The following ADD2 variants were observed in gnomAD, a reference collection of about 807,000 sequenced individuals.
ADD2 encodes adducin 2.
Under a neutral mutation model 83.0 loss-of-function variants are expected in ADD2, and 23 were observed. The observed-to-expected ratio is 0.28, with a 90% CI of 0.20 to 0.39. The LOEUF is 0.39. Among genes scored for constraint, ADD2 ranks in the 10% least tolerant of loss-of-function variants. ADD2 has a pLI of 1.00. For missense variants in ADD2, 758 were observed against 944.9 expected (o/e 0.80, Z 2.59); for synonymous variants, 375 against 375.4 (o/e 1.00, Z 0.01).
chr2:70,699,207 C>A (rs1553373175), intron 4 of ADD2, among the ~76,000 whole-genome samples: 1 of 151,916 alleles, frequency 6.6e-6, no homozygotes, highest in East Asian at 1.9e-4. Context: ...ATAGATAAGC[C>A]ATGTGAATAT....
At chr2:70,667,030 A>G (rs909111695) in intron 15 of ADD2, among the ~76,000 whole-genome samples, 16 of 152,178 alleles carry the variant, frequency 1.1e-4, no homozygotes, top group African/African-American at 3.6e-4. Context: ...GAAAGTACTG[A>G]GGACAGGCTC....
intron 1 of ADD2, among the ~76,000 whole-genome samples, chr2:70,742,876 T>A (rs1300899871): frequency 4.6e-5 from 7 of 152,232 alleles, no homozygotes; most frequent in African/African-American, 1.7e-4. Context: ...TATGTTTTTT[T>A]AAGTTATGTG....
chr2:70,750,659 G>A (rs1674462581), intron 1 of ADD2, among the ~76,000 whole-genome samples: 1 of 152,200 alleles, frequency 6.6e-6, no homozygotes, highest in South Asian at 2.1e-4. Context: ...AGCCTTCAGA[G>A]GGAGCACGGC....
At chr2:70,681,332 C>A (rs1358830013) in intron 10 of ADD2, among the ~76,000 whole-genome samples, 2 of 152,182 alleles carry the variant, frequency 1.3e-5, no homozygotes, top group African/African-American at 2.4e-5. Context: ...TCACCCATAC[C>A]TTAGCCCCCT....
intron 2 of ADD2, among the ~76,000 whole-genome samples, chr2:70,712,456 T>TAAAA (rs1405459368): frequency 9.2e-5 from 6 of 65,270 alleles, no homozygotes; most frequent in African/African-American, 1.7e-4. Flanking sequence ...AAAAAATAAA[T>TAAAA]AAATAAAAAA....
At chr2:70,675,913 T>C (rs1443563047) in intron 13 of ADD2, 1 of 985,442 alleles carries the variant, frequency 1.0e-6, no homozygotes, top group Middle Eastern at 5.2e-4. Flanking sequence ...AGAACATGGC[T>C]ATTTCTATAC....
At chr2:70,765,576 C>T (rs906141033) in intron 1 of ADD2, among the ~76,000 whole-genome samples, 13 of 152,176 alleles carry the variant, frequency 8.5e-5, no homozygotes, top group African/African-American at 2.7e-4. Flanking sequence ...GTTCCCAGTA[C>T]GTCTTACAGA....
At chr2:70,675,041 T>C in intron 13 of ADD2, 7 of 1,321,638 alleles carry the variant, frequency 5.3e-6, no homozygotes, top group South Asian at 2.3e-5. Flanking sequence ...TGGATGAATA[T>C]AGGGGGTCCA....
intron 2 of ADD2, among the ~76,000 whole-genome samples, chr2:70,708,190 C>G (rs1553374863): frequency 6.6e-6 from 1 of 152,142 alleles, no homozygotes; most frequent in Non-Finnish European, 1.5e-5. Flanking sequence ...GCCCAGAATA[C>G]ACAGATGGTT....
intron 3 of ADD2, 136 bp from the exon 4 acceptor site, chr2:70,704,595 G>T (rs1574266187): frequency 2.1e-6 from 2 of 960,192 alleles, no homozygotes; most frequent in Non-Finnish European, 3.1e-6. Flanking sequence ...AGCTACAGGG[G>T]ACACTGAGCA....
At chr2:70,675,971 T>C (rs908391373) in intron 13 of ADD2, 1 of 985,212 alleles carries the variant, frequency 1.0e-6, no homozygotes, top group Non-Finnish European at 1.2e-6. Flanking sequence ...TGAGTTGGGG[T>C]TGGGGGGAGG....
At chr2:70,754,992 C>T (rs1674698943) in intron 1 of ADD2, among the ~76,000 whole-genome samples, 1 of 152,172 alleles carries the variant, frequency 6.6e-6, no homozygotes, top group Non-Finnish European at 1.5e-5. Flanking sequence ...AACTCCTCTG[C>T]CCTCTCACCC....
At chr2:70,744,876 G>A (rs1011929747) in intron 1 of ADD2, among the ~76,000 whole-genome samples, 2 of 152,064 alleles carry the variant, frequency 1.3e-5, no homozygotes, top group African/African-American at 2.4e-5. Context: ...GATAGGCTTC[G>A]GATGTTTAGG....
intron 1 of ADD2, among the ~76,000 whole-genome samples, chr2:70,759,686 C>A (rs1446392905): frequency 6.6e-6 from 1 of 152,148 alleles, no homozygotes; most frequent in Non-Finnish European, 1.5e-5. Context: ...ACGCCAGCTC[C>A]CCTTTGCTTT....
intron 1 of ADD2, among the ~76,000 whole-genome samples, chr2:70,757,288 TG>T (rs5832031): frequency 0.59 from 88,087 of 149,864 alleles, 27,660 homozygotes; most frequent in Non-Finnish European, 0.7. Context: ...AAGGGATTTG[TG>T]GGGGGGGGGG....
chr2:70,709,901 A>G (rs1553375192), intron 2 of ADD2, among the ~76,000 whole-genome samples: 1 of 152,196 alleles, frequency 6.6e-6, no homozygotes, highest in Non-Finnish European at 1.5e-5. Context: ...GACCTTGAGG[A>G]TAAGAAGGGA....
In ADD2 at chr2:70,671,372, T is replaced by G. The variant is rs149892294; in HGVS notation, c.1870+1506A>C. Among the ~76,000 whole-genome samples, 32 of 152,206 alleles carry G rather than the reference T, an allele frequency of 2.1e-4. No homozygotes were observed. The East Asian group carries it at 5.8e-3, about 28-fold the overall frequency. Reference sequence around the variant, plus strand: ...CCTATGTGTGTATATCCACATCTCATGTAGAGAAGCCTAATCCATGCATAG... The same window carrying G: ...CCTATGTGTGTATATCCACATCTCAGGTAGAGAAGCCTAATCCATGCATAG... On this transcript the variant is annotated intron_variant, in intron 15 of 15. Transcript: ENST00000264436.
In ADD2 at chr2:70,761,676, C is replaced by CT. The variant is rs1203725114; in HGVS notation, c.-154+6209dup. Among the ~76,000 whole-genome samples the CT allele has an allele frequency of 1.2e-3, 175 of 140,220 alleles. 1 individual carries two copies. Among genetic ancestry groups the CT allele is most frequent in the South Asian group, 1.8e-3 (8 of 4,328 alleles). The allele number at this position is 140,220 out of a possible 152,430, so 92.0% of individuals were successfully genotyped here. ...TTTATGAAAGAACAAATAGACACAA[C>CT]TTTTTTTTTTTTTGAGACAGAGTAT... On this transcript the variant is annotated intron_variant, in intron 1 of 15. Coordinates refer to ENST00000264436, the MANE Select transcript of ADD2 (RefSeq NM_001617.4).
intron 15 of ADD2, among the ~76,000 whole-genome samples, chr2:70,667,936 C>G (rs1553366440): frequency 2.0e-5 from 3 of 152,130 alleles, no homozygotes; most frequent in African/African-American, 7.2e-5. Context: ...GCATTTGAAT[C>G]AGTAGTCGGA....
Sources: gnomAD v4.1 joint callset for allele counts (sites outside exome capture counted in the v4.1 genomes callset) on GRCh38, gnomAD v4.1.1 for gene constraint, MANE v1.5 for transcripts, NCBI Gene and HGNC (gene_info 2026-07-23, HGNC 2026-07-21) for gene names.